The following PCCA variants were observed in gnomAD, a reference collection of about 807,000 sequenced individuals.
PCCA encodes propionyl-CoA carboxylase subunit alpha.
PCCA carries 74 observed loss-of-function variants against 101.3 expected under a neutral mutation model. The observed-to-expected ratio is 0.73, with a 90% CI of 0.61 to 0.89. The LOEUF (loss-of-function observed/expected upper bound fraction) is 0.89, where lower values mean the gene tolerates loss of function less well. PCCA is among the 40% of genes least tolerant of loss of function. PCCA has a pLI of 0.00. For missense variants in PCCA, 891 were observed against 907.0 expected, an observed-to-expected ratio of 0.98 and a Z score of 0.23; for synonymous variants, 294 against 313.6, an observed-to-expected ratio of 0.94 and a Z score of 0.66.
intron 4 of PCCA, among the ~76,000 whole-genome samples, chr13:100,134,413 T>C (rs768704113): frequency 1.3e-5 from 2 of 152,216 alleles, no homozygotes; most frequent in Non-Finnish European, 2.9e-5. Context: ...TATGTTTATG[T>C]ACACACACAA....
chr13:100,321,830 G>GCAT (rs1361396881), intron 16 of PCCA, among the ~76,000 whole-genome samples: 2 of 152,002 alleles, frequency 1.3e-5, no homozygotes, highest in African/African-American at 4.8e-5. Context: ...TAGATACATA[G>GCAT]CATCTCTTGA....
At chr13:100,328,042 C>CA (rs2068903850) in intron 16 of PCCA, among the ~76,000 whole-genome samples, 1 of 151,906 alleles carries the variant, frequency 6.6e-6, no homozygotes, top group Non-Finnish European at 1.5e-5. Context: ...TGGGCAACAG[C>CA]AAAAACGTGT....
intron 20 of PCCA, among the ~76,000 whole-genome samples, chr13:100,441,530 A>G (rs531911354): frequency 6.6e-6 from 1 of 152,364 alleles, no homozygotes; most frequent in East Asian, 1.9e-4. Flanking sequence ...GATTCTAACA[A>G]ATGTTGAAGT....
rs373956229 is a variant in PCCA at position 100,514,325 on chromosome 13, CT to C, written c.1900-1100del. On this transcript the variant is annotated intron_variant, in intron 21 of 23. Transcript: ENST00000376285. ...TTTCAGTAGGCCCTGTGAAGAGGCACTTAGAGATTCCCGCCGTCCCCATGCA... is the reference window on the plus strand; with the variant it reads ...TTTCAGTAGGCCCTGTGAAGAGGCACTAGAGATTCCCGCCGTCCCCATGCA... 2.6e-4 allele frequency among the ~76,000 whole-genome samples: 39 copies of C among 152,294 alleles called. No individual in the cohort carries two copies. In the East Asian group the frequency reaches 3.3e-3, roughly 13 times the overall value.
At chr13:100,150,823 C>G in intron 4 of PCCA, 1 of 1,583,636 alleles carries the variant, frequency 6.3e-7, no homozygotes, top group Non-Finnish European at 8.6e-7. Context: ...CAAACTTTAG[C>G]TGGTTAACAC....
At chr13:100,504,939 A>T (rs1455728230) in intron 21 of PCCA, among the ~76,000 whole-genome samples, 2 of 152,042 alleles carry the variant, frequency 1.3e-5, no homozygotes, top group Non-Finnish European at 2.9e-5. Context: ...TGTCTCAAAA[A>T]AAAAAGAATT....
At chr13:100,343,877 C>T (rs1242073590) in intron 18 of PCCA, among the ~76,000 whole-genome samples, 2 of 152,160 alleles carry the variant, frequency 1.3e-5, no homozygotes, top group African/African-American at 4.8e-5. Flanking sequence ...GAGTTCGCGA[C>T]CAACCTGGCC....
At chr13:100,380,569 A>G (rs1439087669) in intron 19 of PCCA, among the ~76,000 whole-genome samples, 1 of 152,234 alleles carries the variant, frequency 6.6e-6, no homozygotes, top group East Asian at 1.9e-4. Context: ...AGGTGCCAAA[A>G]TAATTCAATG....
At chr13:100,451,274 A>G (rs1311151065) in intron 21 of PCCA, among the ~76,000 whole-genome samples, 1 of 152,206 alleles carries the variant, frequency 6.6e-6, no homozygotes, top group African/African-American at 2.4e-5. Flanking sequence ...TCTGGGTACC[A>G]TGGCCTCGTC....
chr13:100,276,749 G>A (rs1188811597), intron 12 of PCCA, among the ~76,000 whole-genome samples: 3 of 151,908 alleles, frequency 2.0e-5, no homozygotes, highest in African/African-American at 7.3e-5. Flanking sequence ...TCTTTTAAAA[G>A]TATGATTCAT....
chr13:100,447,901 C>T (rs1249488789), intron 20 of PCCA, among the ~76,000 whole-genome samples: 1 of 152,204 alleles, frequency 6.6e-6, no homozygotes, highest in African/African-American at 2.4e-5. Flanking sequence ...TCTAGAGGTT[C>T]ACTCTGGGTT....
chr13:100,306,826 C>T (rs2066488852), intron 14 of PCCA, among the ~76,000 whole-genome samples: 1 of 152,232 alleles, frequency 6.6e-6, no homozygotes, highest in African/African-American at 2.4e-5. Flanking sequence ...CGAGGGGCCT[C>T]ACTGGTGGGC....
At chr13:100,371,039 A>T (rs908063664) in intron 19 of PCCA, among the ~76,000 whole-genome samples, 2 of 152,228 alleles carry the variant, frequency 1.3e-5, no homozygotes, top group African/African-American at 4.8e-5. Context: ...TAAGGAAAGT[A>T]CAGCAGATGT....
intron 20 of PCCA, among the ~76,000 whole-genome samples, chr13:100,435,000 T>G (rs913082941): frequency 5.3e-5 from 8 of 152,234 alleles, no homozygotes. Flanking sequence ...GACTTAAAGA[T>G]GTATGGGTAC....
intron 1 of PCCA, among the ~76,000 whole-genome samples, chr13:100,102,221 A>G (rs1308334510): frequency 6.6e-6 from 1 of 151,470 alleles, no homozygotes; most frequent in Non-Finnish European, 1.5e-5. Context: ...GCTCACTGCC[A>G]CCTCAAACTC....
intron 21 of PCCA, among the ~76,000 whole-genome samples, chr13:100,504,432 G>A (rs1397123479): frequency 6.6e-6 from 1 of 152,222 alleles, no homozygotes; most frequent in Non-Finnish European, 1.5e-5. Context: ...TGGCTGTTGT[G>A]CATCTGAGAG....
chr13:100,296,663 A>G (rs1274057205), intron 12 of PCCA, among the ~76,000 whole-genome samples: 1 of 152,162 alleles, frequency 6.6e-6, no homozygotes, highest in African/African-American at 2.4e-5. Context: ...CATTTACTTT[A>G]TCTTTCTATC....
Position 100,307,207 on chromosome 13 carries a change from G to A in PCCA, c.1300G>A (p.Gly434Ser). The A allele has an allele frequency of 6.2e-7, 1 of 1,610,418 alleles. No homozygotes were observed. Among genetic ancestry groups the A allele is most frequent in the Non-Finnish European group, 8.5e-7 (1 of 1,177,546 alleles). Residue 434 changes from glycine to serine, a missense_variant, in exon 15 of 24, where the codon GGC becomes AGC. Transcript: ENST00000376285. Reference protein sequence around the residue: ...LHLPGVRVDSGIQPGSDISIY... With the variant: ...LHLPGVRVDSSIQPGSDISIY... ...TTTCTCCCAGGTCCGAGTGGACAGT[G>A]GCATCCAACCAGGAAGTGATATTAG...
At chr13:100,314,861 T>C (rs1034305852) in intron 16 of PCCA, among the ~76,000 whole-genome samples, 2 of 152,114 alleles carry the variant, frequency 1.3e-5, no homozygotes, top group South Asian at 4.1e-4. Flanking sequence ...AGAAGAAAAA[T>C]GTTTTTCTTT....
Sources: allele counts gnomAD v4.1 joint callset (sites outside exome capture counted in the v4.1 genomes callset), GRCh38; gene constraint gnomAD v4.1.1; transcripts MANE v1.5; gene names NCBI Gene and HGNC (gene_info 2026-07-23, HGNC 2026-07-21).